Variants in ZC3H3 observed in about 807,000 individuals in gnomAD.
ZC3H3 encodes the protein zinc finger CCCH-type containing 3.
Under a neutral mutation model 77.3 loss-of-function variants are expected in ZC3H3, and 36 were observed. That is an observed-to-expected ratio of 0.47 (90% CI 0.36 to 0.61). ZC3H3 has a LOEUF of 0.61. ZC3H3 is among the 20% of genes least tolerant of loss of function. The pLI is 0.00. For missense variants in ZC3H3, 1,331 were observed against 1,312.2 expected (o/e 1.01, Z -0.22); for synonymous variants, 626 against 555.2 (o/e 1.13, Z -1.79).
At chr8:143,484,986 C>T (rs1392816423) in intron 4 of ZC3H3, 1 of 415,604 alleles carries the variant, frequency 2.4e-6, no homozygotes, top group Admixed American at 2.8e-5. Flanking sequence ...AAAACCCACT[C>T]ACTTCAGAGG....
chr8:143,527,332 C>T (rs948637463), intron 3 of ZC3H3, among the ~76,000 whole-genome samples: 1 of 152,152 alleles, frequency 6.6e-6, no homozygotes, highest in Admixed American at 6.5e-5. Context: ...ATCCATTCAA[C>T]AAAAGGAGCA....
intron 5 of ZC3H3, among the ~76,000 whole-genome samples, chr8:143,470,627 C>T (rs534093353): frequency 1.3e-4 from 20 of 152,346 alleles, no homozygotes; most frequent in African/African-American, 4.6e-4. Context: ...GCCATCTGCT[C>T]CAGGCAGGGA....
chr8:143,496,892 G>A (rs1302067404), intron 4 of ZC3H3, among the ~76,000 whole-genome samples: 1 of 152,232 alleles, frequency 6.6e-6, no homozygotes, highest in African/African-American at 2.4e-5. Flanking sequence ...TAAGCCCAGT[G>A]GAAGGACAGT....
At chr8:143,450,226 G>A (rs1170870789) in intron 9 of ZC3H3, among the ~76,000 whole-genome samples, 1 of 152,170 alleles carries the variant, frequency 6.6e-6, no homozygotes, top group Admixed American at 6.5e-5. Flanking sequence ...CTGCTGCCCA[G>A]GCTGGAGTGC....
chr8:143,463,547 G>C (rs1228526858), intron 9 of ZC3H3, among the ~76,000 whole-genome samples: 6 of 152,232 alleles, frequency 3.9e-5, no homozygotes. Context: ...CCGCGGATCA[G>C]AATTTGACAG....
chr8:143,514,071 C>T (rs1821955260), intron 3 of ZC3H3, among the ~76,000 whole-genome samples: 1 of 152,180 alleles, frequency 6.6e-6, no homozygotes, highest in South Asian at 2.1e-4. Context: ...CTGGCACTTC[C>T]ACACGCTAGG....
At chr8:143,440,516 G>A (rs538099029) in intron 10 of ZC3H3, among the ~76,000 whole-genome samples, 153 bp from the exon 11 acceptor site, 21 of 152,320 alleles carry the variant, frequency 1.4e-4, no homozygotes, top group Middle Eastern at 3.4e-3. Context: ...GCCCTTGGCC[G>A]CAAGGACAGG....
At chr8:143,448,502 T>C (rs887067543) in intron 9 of ZC3H3, among the ~76,000 whole-genome samples, 4 of 152,226 alleles carry the variant, frequency 2.6e-5, no homozygotes, top group African/African-American at 9.6e-5. Flanking sequence ...CATTAAATCT[T>C]AAAGCTCCAA....
At chr8:143,455,409 T>C (rs1394174455) in intron 9 of ZC3H3, among the ~76,000 whole-genome samples, 2 of 151,776 alleles carry the variant, frequency 1.3e-5, no homozygotes, top group Non-Finnish European at 2.9e-5. Context: ...AGCAGGAGAA[T>C]CGCTTGAACC....
In ZC3H3 at chr8:143,475,502, C is replaced by A; in HGVS notation, c.1799G>T (p.Gly600Val). The change falls in exon 5 of 12, where the codon GGC becomes GTC. Residue 600 changes from glycine to valine, a missense_variant. This residue lies in a region of ZC3H3 where 978 missense variants were observed against 915.5 expected (regional missense o/e 1.07). Coordinates refer to ENST00000262577, the MANE Select transcript of ZC3H3 (RefSeq NM_015117.3). Reference sequence around the variant, plus strand: ...GAGGACCCCTCCGATGCAGCGGTAGCCTTTGCTCCGCCACCAAGGGGAGCC... The same window carrying A: ...GAGGACCCCTCCGATGCAGCGGTAGACTTTGCTCCGCCACCAAGGGGAGCC... The part of the protein sequence containing the change: ...QPGSPWWRSK[G>V]YRCIGGVLYK... 2 of 1,612,820 alleles carry A rather than the reference C, an allele frequency of 1.2e-6. No individual in the cohort carries two copies. Among genetic ancestry groups the A allele is most frequent in the Non-Finnish European group, 1.7e-6 (2 of 1,179,878 alleles).
At chr8:143,535,581 C>G (rs558401645) in intron 3 of ZC3H3, among the ~76,000 whole-genome samples, 1 of 151,772 alleles carries the variant, frequency 6.6e-6, no homozygotes, top group East Asian at 1.9e-4. Context: ...TCACCACATA[C>G]CCCCAACCAC....
At chr8:143,519,099 G>A (rs539760846) in intron 3 of ZC3H3, among the ~76,000 whole-genome samples, 2 of 151,732 alleles carry the variant, frequency 1.3e-5, no homozygotes, top group Admixed American at 6.6e-5. Flanking sequence ...CCCCAGGAAG[G>A]TGACTCACCG....
At chr8:143,480,094 A>G (rs563222332) in intron 4 of ZC3H3, among the ~76,000 whole-genome samples, 41 of 152,298 alleles carry the variant, frequency 2.7e-4, no homozygotes, top group African/African-American at 9.1e-4. Flanking sequence ...AGGTAGCAAC[A>G]GTGGGGGCCG....
At chr8:143,520,758 G>A (rs1309016207) in intron 3 of ZC3H3, among the ~76,000 whole-genome samples, 1 of 152,176 alleles carries the variant, frequency 6.6e-6, no homozygotes, top group Non-Finnish European at 1.5e-5. Context: ...AGGGCTGTGG[G>A]GCTGAATCTC....
chr8:143,539,004 C>T lies in ZC3H3; in HGVS notation c.363G>A (p.Gln121=). 1 of 1,613,096 alleles carries T rather than the reference C, an allele frequency of 6.2e-7. No individual in the cohort carries two copies. Among genetic ancestry groups the T allele is most frequent in the Non-Finnish European group, 8.5e-7 (1 of 1,180,034 alleles). Residue 121 remains glutamine, a synonymous_variant, in exon 2 of 12, where the codon CAG becomes CAA. Coordinates refer to ENST00000262577, the MANE Select transcript of ZC3H3 (RefSeq NM_015117.3). Reference sequence around the variant, plus strand: ...GCGGTTTAACTTTGATGACCACGTTCTGACCCTGACTGAGCTGGACCTGTC... The same window carrying T: ...GCGGTTTAACTTTGATGACCACGTTTTGACCCTGACTGAGCTGGACCTGTC... ...LERQVQLSQG[Q]NVVIKVKPPS... is the part of the protein sequence containing the mutation.
chr8:143,476,584 G>A (rs532837012), intron 4 of ZC3H3, among the ~76,000 whole-genome samples: 1 of 152,150 alleles, frequency 6.6e-6, no homozygotes, highest in African/African-American at 2.4e-5. Context: ...GGGGCTCAGG[G>A]CCTGGCAAAT....
Position 143,460,870 on chromosome 8 carries a change from G to C in ZC3H3, c.2307+4847C>G, listed in dbSNP as rs1399030625. ...TGCGTGAAAGACGCCAGACACCAAA[G>C]GACAGAATGTACGATTCCACTTAGA... On this transcript the variant is annotated intron_variant, in intron 9 of 11. Transcript: ENST00000262577. This position sits in a 1 kb window ranked among gnomAD's most constrained non-coding sequence, Gnocchi z 4.0. Among the ~76,000 whole-genome samples the C allele has an allele frequency of 1.3e-5, 2 of 152,204 alleles. No individual in the cohort carries two copies. Among genetic ancestry groups the C allele is most frequent in the Non-Finnish European group, 2.9e-5 (2 of 68,048 alleles).
chr8:143,504,257 G>C (rs1821620233), intron 4 of ZC3H3, among the ~76,000 whole-genome samples: 1 of 152,174 alleles, frequency 6.6e-6, no homozygotes, highest in Non-Finnish European at 1.5e-5. Flanking sequence ...CAGGAGAGGG[G>C]CCCCTTCTCG....
rs1412473088 is a variant in ZC3H3 at position 143,468,449 on chromosome 8, C to T, written c.2038G>A (p.Gly680Ser). Residue 680 changes from glycine to serine, a missense_variant, in exon 7 of 12, where the codon GGC becomes AGC. Physicochemically the swap from Gly to Ser is moderately conservative, Grantham distance 56. This residue lies in a region of ZC3H3 where 104 missense variants were observed against 159.7 expected (regional missense o/e 0.65). Coordinates refer to ENST00000262577, the MANE Select transcript of ZC3H3 (RefSeq NM_015117.3). Reference sequence around the variant, plus strand: ...CAGCGCTCGCCACGGTTGCACCTGCCGAAGCGGTTGTAGTACATGCAGTAC... The same window carrying T: ...CAGCGCTCGCCACGGTTGCACCTGCTGAAGCGGTTGTAGTACATGCAGTAC... ...KEYCMYYNRF[G>S]RCNRGERCPY... 2.5e-6 allele frequency: 4 copies of T among 1,610,282 alleles called. No homozygotes were observed. Among genetic ancestry groups the T allele is most frequent in the African/African-American group, 2.7e-5 (2 of 74,844 alleles).
Sources: allele counts gnomAD v4.1 joint callset (sites outside exome capture counted in the v4.1 genomes callset), GRCh38; gene constraint gnomAD v4.1.1; regional missense constraint gnomAD v4.1.1; non-coding constraint Gnocchi (gnomAD v3.1); transcripts MANE v1.5; gene names NCBI Gene and HGNC (gene_info 2026-07-23, HGNC 2026-07-21).